The following EPS15L1 variants were observed in gnomAD, a reference collection of about 807,000 sequenced individuals.
The protein encoded by EPS15L1 is epidermal growth factor receptor pathway substrate 15 like 1, also known as epidermal growth factor receptor substrate 15-like 1.
A neutral mutation model predicts 117.1 loss-of-function variants in EPS15L1; 43 were observed. The observed-to-expected ratio is 0.37, with a 90% CI of 0.29 to 0.47. The LOEUF is 0.47. Among genes scored for constraint, EPS15L1 ranks in the 20% least tolerant of loss-of-function variants. The probability of loss-of-function intolerance (pLI) is 0.99; values close to 1 mark genes in which losing one functional copy is unlikely to be tolerated. For synonymous variants in EPS15L1, 459 were observed against 470.5 expected, an observed-to-expected ratio of 0.98 and a Z score of 0.32; for missense variants, 981 against 1,164.0, an observed-to-expected ratio of 0.84 and a Z score of 2.29.
chr19:16,404,468 A>G lies in EPS15L1; in HGVS notation c.1428+120T>C. 1 of 1,135,854 alleles carries G rather than the reference A, an allele frequency of 8.8e-7. No individual in the cohort carries two copies. The highest frequency in any genetic ancestry group is 2.4e-5 in the East Asian group (1 of 40,910). The allele number at this position is 1,135,854 out of a possible 1,614,324, so 70.4% of individuals were successfully genotyped here. A position where few individuals can be genotyped will look rare whatever the true frequency, so the allele number is the denominator to read the frequency against. On this transcript the variant is annotated intron_variant, in intron 14 of 23. Transcript: ENST00000455140. This position sits in a 1 kb window ranked among gnomAD's most constrained non-coding sequence, Gnocchi z 4.2. ...ACTTTTCCACGTGGTGTTTGGAGGA[A>G]CTCTATTGACCCAGTAGGATGTCTA...
chr19:16,413,969 G>T, intron 12 of EPS15L1, 124 bp from the exon 13 acceptor site: 1 of 701,680 alleles, frequency 1.4e-6, no homozygotes. Flanking sequence ...CTAAGAATGA[G>T]ACCCAGCGAC....
chr19:16,434,926 G>A (rs1015930357), intron 6 of EPS15L1: 1 of 152,844 alleles, frequency 6.5e-6, no homozygotes, highest in Non-Finnish European at 1.5e-5. Flanking sequence ...TTAAAGTACA[G>A]GAAGTCCTCT....
chr19:16,422,928 A>C (rs1366280342), intron 9 of EPS15L1, among the ~76,000 whole-genome samples: 1 of 140,674 alleles, frequency 7.1e-6, no homozygotes, highest in Non-Finnish European at 1.5e-5. Context: ...ACTGCACTCC[A>C]GCCTGGGCGA....
intron 4 of EPS15L1, among the ~76,000 whole-genome samples, chr19:16,439,322 G>A (rs1295170505): frequency 1.3e-5 from 2 of 152,080 alleles, no homozygotes; most frequent in Non-Finnish European, 1.5e-5. Context: ...AAAGAAAAAG[G>A]AATTAAGTAA....
At chr19:16,366,316 A>C (rs1237653387) in intron 22 of EPS15L1, among the ~76,000 whole-genome samples, 1 of 152,204 alleles carries the variant, frequency 6.6e-6, no homozygotes, top group Admixed American at 6.5e-5. Flanking sequence ...GCCACGGTAC[A>C]GAAGGTTCAA....
intron 22 of EPS15L1, among the ~76,000 whole-genome samples, chr19:16,372,724 C>T (rs943128827): frequency 2.6e-5 from 4 of 152,242 alleles, no homozygotes; most frequent in South Asian, 2.1e-4. Context: ...ACATACAGCA[C>T]GTCACCGTGC....
intron 22 of EPS15L1, among the ~76,000 whole-genome samples, chr19:16,368,653 C>T (rs1246780736): frequency 1.3e-5 from 2 of 152,054 alleles, no homozygotes; most frequent in African/African-American, 4.8e-5. Context: ...CTGTCATTCA[C>T]CCTACACAAC....
At chr19:16,469,676 C>A (rs2093331893) in intron 1 of EPS15L1, among the ~76,000 whole-genome samples, 1 of 152,112 alleles carries the variant, frequency 6.6e-6, no homozygotes, top group Non-Finnish European at 1.5e-5. Flanking sequence ...GGGAAAAGTG[C>A]AGACAGGAGT....
chr19:16,433,732 C>T (rs1020827166), intron 7 of EPS15L1, among the ~76,000 whole-genome samples: 14 of 151,618 alleles, frequency 9.2e-5, no homozygotes, highest in Non-Finnish European at 5.9e-5. Flanking sequence ...TTTGGGAGGC[C>T]GAGGCGGGTG....
At chr19:16,441,221 A>G (rs1007923008) in intron 3 of EPS15L1, 3 of 380,050 alleles carry the variant, frequency 7.9e-6, no homozygotes, top group Non-Finnish European at 1.5e-5. Context: ...CTGTAATCCC[A>G]GCACTTTGGG....
rs993851783 is a variant in EPS15L1, at chr19:16,355,866, C to T, written c.2587-15G>A. 7.8e-6 allele frequency: 12 copies of T among 1,534,694 alleles called. No individual in the cohort carries two copies. In the African/African-American group the frequency reaches 8.2e-5, roughly 11 times the overall value. ...TCATTGCCAAACTGCAAAGGAAAAA[C>T]GGAGAGTGGGTGATGTGGCCCTGGG... On this transcript the variant is annotated splice_polypyrimidine_tract_variant and intron_variant, in intron 23 of 23. Coordinates refer to ENST00000455140, the MANE Select transcript of EPS15L1 (RefSeq NM_001258374.3).
At chr19:16,434,336 CAGA>C in intron 7 of EPS15L1, 26 bp downstream of exon 7, 3 of 1,609,802 alleles carry the variant, frequency 1.9e-6, no homozygotes. Context: ...ACACTGAGTG[CAGA>C]AGAACCAAGC....
chr19:16,395,260 T>C, intron 17 of EPS15L1, 84 bp downstream of exon 17: 7 of 1,373,992 alleles, frequency 5.1e-6, no homozygotes, highest in Non-Finnish European at 7.0e-6. Context: ...TGGCATGTCC[T>C]TACTTTTCTA....
Position 16,355,644 on chromosome 19 carries a change from T to C in EPS15L1, c.*61A>G. ...CGGTGTGTGTGTGTATATATAGACA[T>C]CTGCACTGCCCCCTCTCTGGAACCC... On this transcript the variant is annotated 3_prime_UTR_variant, in exon 24 of 24. Coordinates refer to ENST00000455140, the MANE Select transcript of EPS15L1 (RefSeq NM_001258374.3). 6.6e-7 allele frequency: 1 copy of C among 1,510,296 alleles called. No individual in the cohort carries two copies. The highest frequency in any genetic ancestry group is 2.5e-5 in the East Asian group (1 of 40,492). 93.6% of individuals were successfully genotyped at this position (1,510,296 alleles called of 1,614,324 possible). A position where few individuals can be genotyped will look rare whatever the true frequency, so the allele number is the denominator to read the frequency against.
intron 22 of EPS15L1, among the ~76,000 whole-genome samples, chr19:16,366,773 T>C (rs2092138958): frequency 6.6e-6 from 1 of 152,190 alleles, no homozygotes. Flanking sequence ...CCAGACGCTT[T>C]GAGCAAAGAA....
rs1254536319 is a variant in EPS15L1, at chr19:16,393,580, C to T, written c.1966+371G>A. On this transcript the variant is annotated intron_variant, in intron 18 of 23. Transcript: ENST00000455140. ...AGGAGAATGGCGTGAACCCGGGAGG[C>T]GGAGCTTGCAGTGAGCCGAGATCGC... 8.7e-5 allele frequency among the ~76,000 whole-genome samples: 13 copies of T among 148,576 alleles called. No individual in the cohort carries two copies. In the South Asian group the frequency reaches 1.7e-3, roughly 19 times the overall value.
At chr19:16,419,938 AAAG>A (rs1043047144) in intron 10 of EPS15L1, among the ~76,000 whole-genome samples, 2 of 152,174 alleles carry the variant, frequency 1.3e-5, no homozygotes, top group African/African-American at 2.4e-5. Flanking sequence ...GTTCTGAGAG[AAAG>A]AAGGAGAAGC....
In EPS15L1 at chr19:16,392,270, G is replaced by A. The variant is rs774296709; in HGVS notation, c.2103+34C>T. On this transcript the variant is annotated intron_variant, in intron 19 of 23. Coordinates refer to ENST00000455140, the MANE Select transcript of EPS15L1 (RefSeq NM_001258374.3). ...CACCCTTACCACACAGAGCAGGCACGCAGCTCTCCCGGGCAACGTCCCACC... is the reference window on the plus strand; with the variant it reads ...CACCCTTACCACACAGAGCAGGCACACAGCTCTCCCGGGCAACGTCCCACC... The A allele has an allele frequency of 6.2e-5, 100 of 1,612,556 alleles. No homozygotes were observed. The East Asian group carries it at 1.4e-3, about 22-fold the overall frequency.
chr19:16,387,363 T>C (rs1217825646), intron 19 of EPS15L1, among the ~76,000 whole-genome samples: 1 of 152,062 alleles, frequency 6.6e-6, no homozygotes, highest in Non-Finnish European at 1.5e-5. Context: ...ATCCCAGCAC[T>C]GTGGGGGCCA....
Sources: allele counts gnomAD v4.1 joint callset (sites outside exome capture counted in the v4.1 genomes callset), GRCh38; gene constraint gnomAD v4.1.1; non-coding constraint Gnocchi (gnomAD v3.1); transcripts MANE v1.5; gene names NCBI Gene and HGNC (gene_info 2026-07-23, HGNC 2026-07-21).